The following KLF8 variants were observed in gnomAD, a reference collection of about 807,000 sequenced individuals.
KLF8 encodes Krueppel-like factor 8.
In KLF8, 10 loss-of-function variants were observed where a neutral mutation model predicts 18.2. The ratio of observed to expected loss-of-function variants is 0.55; its 90% CI spans 0.34 to 0.93. KLF8 has a LOEUF of 0.93. Ranked by LOEUF, KLF8 falls within the 40% of genes least tolerant of loss-of-function variation. The probability of loss-of-function intolerance (pLI) is 0.02; values close to 1 mark genes in which losing one functional copy is unlikely to be tolerated. For missense variants in KLF8, 264 were observed against 277.9 expected (o/e 0.95, Z 0.36); for synonymous variants, 109 against 97.3 (o/e 1.12, Z -0.71).
chrX:56,049,487 A>C, the KLF8 span, among the ~76,000 whole-genome samples: 27 of 109,305 alleles, frequency 2.5e-4, no homozygotes, highest in African/African-American at 8.0e-4. Flanking sequence ...GGGTTGTTGA[A>C]TTTTGTCAAA....
the KLF8 span, among the ~76,000 whole-genome samples, chrX:55,941,374 T>A: frequency 4.5e-5 from 5 of 111,680 alleles, no homozygotes; most frequent in East Asian, 8.4e-4. Flanking sequence ...TTAATTCAAG[T>A]TGGATGAAAG....
chrX:56,243,050 G>A (rs2066568874), intron 1 of KLF8: 1 of 515,338 alleles, frequency 1.9e-6, no homozygotes, highest in Admixed American at 2.3e-5. Flanking sequence ...TGCCACATCA[G>A]TATCATAGAG....
At chrX:56,204,850 A>G in the KLF8 span, among the ~76,000 whole-genome samples, 1 of 110,511 alleles carries the variant, frequency 9.0e-6, no homozygotes, top group African/African-American at 3.3e-5. Context: ...AATGGAGAGC[A>G]CTGATCTGTT....
At chrX:56,071,342 G>A in the KLF8 span, among the ~76,000 whole-genome samples, 1 of 111,494 alleles carries the variant, frequency 9.0e-6, no homozygotes, top group Non-Finnish European at 1.9e-5. Context: ...GCTATGGAGT[G>A]GGAAAAATGA....
At chrX:56,037,671 T>C in the KLF8 span, among the ~76,000 whole-genome samples, 5 of 110,933 alleles carry the variant, frequency 4.5e-5, no homozygotes, top group Admixed American at 2.9e-4. Context: ...TTTACTTTTT[T>C]TTCTTTAATT....
At chrX:56,245,739 T>C (rs1369296855) in intron 1 of KLF8, among the ~76,000 whole-genome samples, 1 of 112,446 alleles carries the variant, frequency 8.9e-6, no homozygotes, top group Non-Finnish European at 1.9e-5. Context: ...GCCCAGGCCA[T>C]ATATACTATA....
At chrX:56,132,752 A>G in the KLF8 span, among the ~76,000 whole-genome samples, 3 of 111,764 alleles carry the variant, frequency 2.7e-5, no homozygotes, top group Non-Finnish European at 3.8e-5. Context: ...GATAAATAAA[A>G]CTGATAGACT....
At chrX:56,043,003 AG>A in the KLF8 span, among the ~76,000 whole-genome samples, 1 of 111,961 alleles carries the variant, frequency 8.9e-6, no homozygotes, top group African/African-American at 3.2e-5. Flanking sequence ...CTTGCAAGGC[AG>A]GCCTGGTGTT....
chrX:56,273,024 C>G (rs1024338799), intron 5 of KLF8, among the ~76,000 whole-genome samples: 1 of 111,484 alleles, frequency 9.0e-6, no homozygotes, highest in African/African-American at 3.3e-5. Flanking sequence ...TGTCCACTCT[C>G]AAATATCTGT....
chrX:56,241,400 C>T (rs1345905800), intron 1 of KLF8, among the ~76,000 whole-genome samples: 2 of 111,633 alleles, frequency 1.8e-5, no homozygotes, highest in African/African-American at 6.5e-5. Context: ...CTCCTGACTT[C>T]AAGTGATCCA....
chrX:55,992,005 A>T, the KLF8 span, among the ~76,000 whole-genome samples: 1 of 111,643 alleles, frequency 9.0e-6, no homozygotes, highest in Non-Finnish European at 1.9e-5. Flanking sequence ...TGGATATTAG[A>T]CCTTTTTGGA....
the KLF8 span, among the ~76,000 whole-genome samples, chrX:56,050,739 A>T: frequency 1.8e-5 from 2 of 112,102 alleles, no homozygotes; most frequent in South Asian, 3.7e-4. Context: ...AAAAATGTAT[A>T]TTCTGTTGAT....
the KLF8 span, among the ~76,000 whole-genome samples, chrX:56,134,284 C>G: frequency 0.12 from 13,928 of 111,476 alleles, 1,544 homozygotes; most frequent in African/African-American, 0.36. Flanking sequence ...AGGCCATAGT[C>G]ATCAAAACAG....
the KLF8 span, among the ~76,000 whole-genome samples, chrX:56,052,094 TCTCAAGCCTTGGTTTTCAGTTC>T: frequency 8.9e-6 from 1 of 112,075 alleles, no homozygotes; most frequent in African/African-American, 3.2e-5. Flanking sequence ...TTCACGTAGT[TCTCAAGCCTTGGTTTTCAGTTC>T]CATCAGCTCC....
chrX:55,961,285 T>A, the KLF8 span: 1 of 374,809 alleles, frequency 2.7e-6, no homozygotes. Context: ...CCACAGCCTC[T>A]GCCAGAGGTC....
chrX:56,160,641 T>G, the KLF8 span, among the ~76,000 whole-genome samples: 1 of 111,856 alleles, frequency 8.9e-6, no homozygotes, highest in Non-Finnish European at 1.9e-5. Flanking sequence ...TACCATTATG[T>G]AATGGCCTTC....
chrX:56,263,278 T>C (rs930166232), intron 2 of KLF8, among the ~76,000 whole-genome samples: 1 of 111,512 alleles, frequency 9.0e-6, no homozygotes, highest in Admixed American at 9.5e-5. Flanking sequence ...GTGGGACAAA[T>C]CACAGAAATC....
chrX:56,179,621 G>A, the KLF8 span, among the ~76,000 whole-genome samples: 1 of 111,985 alleles, frequency 8.9e-6, no homozygotes, highest in Admixed American at 9.5e-5. Flanking sequence ...TATATTGGCT[G>A]CAGGTTTGTC....
At chrX:56,090,188 C>T in the KLF8 span, among the ~76,000 whole-genome samples, 1 of 111,897 alleles carries the variant, frequency 8.9e-6, no homozygotes, top group Non-Finnish European at 1.9e-5. Context: ...ATGCTGCCAC[C>T]ACATCAACTA....
Sources: allele counts gnomAD v4.1 joint callset (sites outside exome capture counted in the v4.1 genomes callset), GRCh38; gene constraint gnomAD v4.1.1; transcripts MANE v1.5; gene names NCBI Gene and HGNC (gene_info 2026-07-23, HGNC 2026-07-21).